The following SMAD2 variants were observed in gnomAD, a reference collection of about 807,000 sequenced individuals.
SMAD2 encodes SMAD family member 2.
In SMAD2, 8 loss-of-function variants were observed where a neutral mutation model predicts 64.4. The ratio of observed to expected loss-of-function variants is 0.12; its 90% CI spans 0.07 to 0.22. The LOEUF (loss-of-function observed/expected upper bound fraction) is 0.22, where lower values mean the gene tolerates loss of function less well. SMAD2 is among the 10% of genes least tolerant of loss of function. SMAD2 has a pLI of 1.00. For synonymous variants in SMAD2, 203 were observed against 195.8 expected (o/e 1.04, Z -0.31); for missense variants, 289 against 561.2 (o/e 0.51, Z 4.90).
At chr18:47,902,991 T>A (rs1283677711) in intron 1 of SMAD2, among the ~76,000 whole-genome samples, 1 of 152,140 alleles carries the variant, frequency 6.6e-6, no homozygotes, top group Non-Finnish European at 1.5e-5. Flanking sequence ...AGGTTTCCAC[T>A]AAGTACTTGC....
chr18:47,851,253 G>A lies in SMAD2; in HGVS notation c.784+21C>T, dbSNP rs372468277. On this transcript the variant is annotated intron_variant, in intron 7 of 10. Transcript: ENST00000262160. ...GGTGATACAGTATAAAAATGATGAG[G>A]GGAACATATGTGCAACTTACCCAAG... The A allele has an allele frequency of 1.4e-5, 21 of 1,547,490 alleles. No individual in the cohort carries two copies. In the African/African-American group the frequency reaches 2.2e-4, roughly 16 times the overall value.
rs1405851992 is a variant in SMAD2, at chr18:47,819,155, T to C, written c.*22672A>G. 1.3e-5 allele frequency: 2 copies of C among 152,258 alleles called. No homozygotes were observed. The highest frequency in any genetic ancestry group is 4.8e-5 in the African/African-American group (2 of 41,480). The allele number at this position is 152,258 out of a possible 1,614,324, so 9.4% of individuals were successfully genotyped here. A position where few individuals can be genotyped will look rare whatever the true frequency, so the allele number is the denominator to read the frequency against. ...TTTTAGTTAATATAACTTAAACATC[T>C]GATAAGCTGGTTTTAAAATAATTGG... On this transcript the variant is annotated 3_prime_UTR_variant, in exon 11 of 11. Transcript: ENST00000262160.
intron 1 of SMAD2, among the ~76,000 whole-genome samples, chr18:47,925,150 A>T (rs977566286): frequency 6.6e-6 from 1 of 152,232 alleles, no homozygotes; most frequent in Non-Finnish European, 1.5e-5. Flanking sequence ...ACTAAACAGA[A>T]GCAACTAAAG....
At chr18:47,871,769 T>A (rs1409240452) in intron 2 of SMAD2, among the ~76,000 whole-genome samples, 2 of 152,212 alleles carry the variant, frequency 1.3e-5, no homozygotes, top group Non-Finnish European at 2.9e-5. Context: ...ATATACTGAT[T>A]TAAAAACCAT....
chr18:47,874,053 A>G (rs970280325), intron 2 of SMAD2, among the ~76,000 whole-genome samples: 4 of 152,224 alleles, frequency 2.6e-5, no homozygotes, highest in African/African-American at 9.6e-5. Flanking sequence ...AAAGCTAAGT[A>G]TATAGAGATA....
intron 1 of SMAD2, among the ~76,000 whole-genome samples, chr18:47,906,649 A>G (rs1434730909): frequency 2.0e-5 from 3 of 152,214 alleles, no homozygotes; most frequent in Admixed American, 6.5e-5. Context: ...ATTTAGCAAA[A>G]TCAGTTTCAA....
At chr18:47,844,095 G>T (rs9304357) in intron 10 of SMAD2, among the ~76,000 whole-genome samples, 17,532 of 152,040 alleles carry the variant, frequency 0.12, 1,830 homozygotes, top group Admixed American at 0.23. Context: ...TCTCAAAAGG[G>T]TAATAATCAA....
chr18:47,926,195 T>C (rs1017551665), intron 1 of SMAD2, among the ~76,000 whole-genome samples: 6 of 152,210 alleles, frequency 3.9e-5, no homozygotes, highest in Non-Finnish European at 8.8e-5. Flanking sequence ...GCTACTGTGA[T>C]CTTTCATGAA....
chr18:47,885,132 T>C lies in SMAD2; in HGVS notation c.236+11389A>G, dbSNP rs576689006. On this transcript the variant is annotated intron_variant, in intron 2 of 10. Coordinates refer to ENST00000262160, the MANE Select transcript of SMAD2 (RefSeq NM_005901.6). ...TATCGATTTTCTAGATTTAGTCATA[T>C]ACACACACACACACACACACACACA... 3.5e-3 allele frequency among the ~76,000 whole-genome samples: 503 copies of C among 142,184 alleles called. 4 individuals carry two copies. Among genetic ancestry groups the C allele is most frequent in the African/African-American group, 0.013 (476 of 37,946 alleles). The allele number at this position is 142,184 out of a possible 152,430, so 93.3% of individuals were successfully genotyped here. A position where few individuals can be genotyped will look rare whatever the true frequency, so the allele number is the denominator to read the frequency against.
chr18:47,850,779 AAT>A (rs72115944), intron 7 of SMAD2, among the ~76,000 whole-genome samples: 7,078 of 15,618 alleles, frequency 0.45, 1,583 homozygotes, highest in Non-Finnish European at 0.54. Flanking sequence ...CATTATGTAT[AAT>A]ATATATTATA....
rs185554159 is a variant in SMAD2, at chr18:47,904,082, A to G, written c.-53-7273T>C. Among the ~76,000 whole-genome samples the G allele has an allele frequency of 3.5e-3, 530 of 152,122 alleles. 2 individuals are homozygous for G. Among genetic ancestry groups the G allele is most frequent in the Non-Finnish European group, 5.4e-3 (369 of 67,990 alleles). ...CTGCTGAATATTAAAGATAAAAGTA[A>G]GGATGAAAGGCCGAGCTAGGATAAC... is the stretch of plus-strand genomic sequence containing the variant. On this transcript the variant is annotated intron_variant, in intron 1 of 10. Coordinates refer to ENST00000262160, the MANE Select transcript of SMAD2 (RefSeq NM_005901.6).
chr18:47,919,808 A>C (rs1407271345), intron 1 of SMAD2, among the ~76,000 whole-genome samples: 1 of 152,226 alleles, frequency 6.6e-6, no homozygotes, highest in Non-Finnish European at 1.5e-5. Context: ...CCAATATCTC[A>C]GCAGATTTCT....
chr18:47,845,501 T>TA lies in SMAD2; in HGVS notation c.1136-18dup. The stretch of plus-strand genomic sequence containing the variant: ...GATTACAGCCTATGATTAAAAAAGG[T>TA]AAAAGAAATTGTCAAAAGAGTATCA... On this transcript the variant is annotated splice_polypyrimidine_tract_variant and intron_variant, in intron 9 of 10. Coordinates refer to ENST00000262160, the MANE Select transcript of SMAD2 (RefSeq NM_005901.6). 1 of 1,610,756 alleles carries TA rather than the reference T, an allele frequency of 6.2e-7. No individual in the cohort carries two copies. The highest frequency in any genetic ancestry group is 1.1e-5 in the South Asian group (1 of 91,022).
Position 47,848,135 on chromosome 18 carries a change from CAAAAA to C in SMAD2, c.997+335_997+339del, listed in dbSNP as rs771196219. On this transcript the variant is annotated intron_variant, in intron 8 of 10. Transcript: ENST00000262160. Reference sequence around the variant, plus strand: ...GAAAAAAAACAAAAACAAAACAAAACAAAAAAACATGATTTATAAAAAAGTATTAA... The same window carrying C: ...GAAAAAAAACAAAAACAAAACAAAACAACATGATTTATAAAAAAGTATTAA... Among the ~76,000 whole-genome samples, 12 of 151,558 alleles carry C rather than the reference CAAAAA, an allele frequency of 7.9e-5. No homozygotes were observed. The East Asian group carries it at 2.3e-3, about 29-fold the overall frequency.
At chr18:47,849,365 A>G (rs1914854382) in intron 7 of SMAD2, among the ~76,000 whole-genome samples, 1 of 152,092 alleles carries the variant, frequency 6.6e-6, no homozygotes, top group African/African-American at 2.4e-5. Flanking sequence ...CATAAGGAAT[A>G]CTGCAAAAGA....
At chr18:47,869,782 G>C (rs188328246) in intron 3 of SMAD2, among the ~76,000 whole-genome samples, 246 of 152,266 alleles carry the variant, frequency 1.6e-3, no homozygotes, top group African/African-American at 5.8e-3. Flanking sequence ...ACTCATTTTA[G>C]AGATGCTTCT....
chr18:47,858,978 A>C (rs936351273), intron 6 of SMAD2, among the ~76,000 whole-genome samples: 7 of 152,174 alleles, frequency 4.6e-5, no homozygotes, highest in African/African-American at 1.7e-4. Flanking sequence ...TGTTAGATTA[A>C]ATAAAACCAA....
chr18:47,854,151 G>C (rs1419686230), intron 6 of SMAD2, among the ~76,000 whole-genome samples: 1 of 150,742 alleles, frequency 6.6e-6, no homozygotes, highest in Non-Finnish European at 1.5e-5. Flanking sequence ...ATACATAAAT[G>C]CTGCTATTGG....
In SMAD2 at chr18:47,838,510, T is replaced by C. The variant is rs187847305; in HGVS notation, c.*3317A>G. On this transcript the variant is annotated 3_prime_UTR_variant, in exon 11 of 11. Coordinates refer to ENST00000262160, the MANE Select transcript of SMAD2 (RefSeq NM_005901.6). The stretch of plus-strand genomic sequence containing the variant: ...CATCAATAAATGTTTACTAACTGAA[T>C]GTGTATTATAAGGTATAATCGGTAT... 1.7e-5 allele frequency: 4 copies of C among 233,116 alleles called. No homozygotes were observed. Among genetic ancestry groups the C allele is most frequent in the Admixed American group, 5.6e-5 (1 of 17,794 alleles). The allele number at this position is 233,116 out of a possible 1,614,324, so 14.4% of individuals were successfully genotyped here. A position where few individuals can be genotyped will look rare whatever the true frequency, so the allele number is the denominator to read the frequency against.
Sources: gnomAD v4.1 joint callset for allele counts (sites outside exome capture counted in the v4.1 genomes callset) on GRCh38, gnomAD v4.1.1 for gene constraint, MANE v1.5 for transcripts, NCBI Gene and HGNC (gene_info 2026-07-23, HGNC 2026-07-21) for gene names.